Variants in ATOSB observed in about 807,000 individuals in gnomAD.
ATOSB encodes the protein atos homolog protein B.
the ATOSB span, chr9:35,106,599 G>T: frequency 6.4e-7 from 1 of 1,564,532 alleles, no homozygotes; most frequent in East Asian, 2.4e-5. The surrounding 1 kb of genome is among the most constrained non-coding windows in gnomAD (Gnocchi z 4.6). Context: ...GGCACTGGGG[G>T]GGCTCAGCAG....
the ATOSB span, among the ~76,000 whole-genome samples, chr9:35,111,812 T>A: frequency 6.6e-6 from 1 of 152,126 alleles, no homozygotes; most frequent in Non-Finnish European, 1.5e-5. Flanking sequence ...CCCTTCTCCT[T>A]AACCCGACAG....
chr9:35,115,281 G>A, the ATOSB span, among the ~76,000 whole-genome samples: 1 of 152,056 alleles, frequency 6.6e-6, no homozygotes, highest in African/African-American at 2.4e-5. Context: ...GTTAAAAGCT[G>A]AGCAGACAGG....
At chr9:35,114,088 A>G in the ATOSB span, among the ~76,000 whole-genome samples, 2 of 152,184 alleles carry the variant, frequency 1.3e-5, no homozygotes, top group Non-Finnish European at 2.9e-5. Context: ...ACTCATCTCC[A>G]TATCAGAGGA....
At chr9:35,105,761 G>C in the ATOSB span, 1 of 1,614,092 alleles carries the variant, frequency 6.2e-7, no homozygotes, top group Non-Finnish European at 8.5e-7. The surrounding 1 kb of genome is among the most constrained non-coding windows in gnomAD (Gnocchi z 5.5). Flanking sequence ...AAAAAGAGGC[G>C]ATGGCGCAGG....
the ATOSB span, among the ~76,000 whole-genome samples, chr9:35,113,109 G>C: frequency 6.6e-6 from 1 of 152,326 alleles, no homozygotes; most frequent in African/African-American, 2.4e-5. Flanking sequence ...GTGTATCAAT[G>C]TAAGAGCCTA....
At chr9:35,105,607 A>T in the ATOSB span, 1 of 1,478,318 alleles carries the variant, frequency 6.8e-7, no homozygotes, top group Non-Finnish European at 9.3e-7. This position sits in a 1 kb window ranked among gnomAD's most constrained non-coding sequence, Gnocchi z 5.5. Flanking sequence ...TCCGGACAGT[A>T]TCGAAGCAAG....
At chr9:35,106,843 G>A in the ATOSB span, 11 of 1,570,396 alleles carry the variant, frequency 7.0e-6, no homozygotes, top group Middle Eastern at 3.3e-4. This position sits in a 1 kb window ranked among gnomAD's most constrained non-coding sequence, Gnocchi z 4.6. Flanking sequence ...AGCTTCAGGC[G>A]ACGGGCTCCT....
the ATOSB span, chr9:35,107,965 G>A: frequency 6.2e-7 from 1 of 1,604,672 alleles, no homozygotes; most frequent in Non-Finnish European, 8.5e-7. Flanking sequence ...GGTCCCTCTG[G>A]GCCTAAGAGC....
chr9:35,107,861 C>T, the ATOSB span: 1,591,495 of 1,596,088 alleles, frequency 1, 793,536 homozygotes, highest in East Asian at 1. Flanking sequence ...TCCAGGCCCC[C>T]GAAGTCCAAG....
At chr9:35,111,264 C>T in the ATOSB span, 2 of 153,372 alleles carry the variant, frequency 1.3e-5, no homozygotes, top group East Asian at 3.8e-4. Context: ...CTCTAGCACA[C>T]TCACCCCGCT....
At chr9:35,107,208 A>C in the ATOSB span, among the ~76,000 whole-genome samples, 1 of 150,882 alleles carries the variant, frequency 6.6e-6, no homozygotes, top group African/African-American at 2.4e-5. Flanking sequence ...CTGTGGTCCC[A>C]GATACTTGGG....
the ATOSB span, chr9:35,108,597 G>A: frequency 3.6e-6 from 4 of 1,116,456 alleles, no homozygotes; most frequent in Non-Finnish European, 4.4e-6. Flanking sequence ...TACTTACCCC[G>A]ATGAAGAGGC....
At chr9:35,110,916 A>T in the ATOSB span, 2 of 152,130 alleles carry the variant, frequency 1.3e-5, no homozygotes, top group Non-Finnish European at 2.9e-5. Context: ...ATGCAAAGAG[A>T]ACTGCTGCCA....
the ATOSB span, chr9:35,110,827 A>G: frequency 6.6e-6 from 1 of 152,210 alleles, no homozygotes; most frequent in Non-Finnish European, 1.5e-5. Flanking sequence ...TCCCTTCAGT[A>G]TTAAAGATTT....
At chr9:35,105,895 G>A in the ATOSB span, 2 of 1,613,656 alleles carry the variant, frequency 1.2e-6, no homozygotes. This position sits in a 1 kb window ranked among gnomAD's most constrained non-coding sequence, Gnocchi z 5.5. Flanking sequence ...GGGCCTGAGG[G>A]CTGCTTTCCT....
At chr9:35,106,303 G>A in the ATOSB span, 5 of 1,614,186 alleles carry the variant, frequency 3.1e-6, no homozygotes, top group South Asian at 4.4e-5. The surrounding 1 kb of genome is among the most constrained non-coding windows in gnomAD (Gnocchi z 4.6). Flanking sequence ...ATGTGACAGT[G>A]ACAGGCAGCG....
chr9:35,108,022 G>C, the ATOSB span: 29 of 1,550,016 alleles, frequency 1.9e-5, no homozygotes, highest in Non-Finnish European at 2.4e-5. Flanking sequence ...CTGGCCCCCA[G>C]CCCAGGGCCT....
At chr9:35,106,309 C>T in the ATOSB span, 12 of 1,614,086 alleles carry the variant, frequency 7.4e-6, no homozygotes, top group African/African-American at 1.6e-4. The surrounding 1 kb of genome is among the most constrained non-coding windows in gnomAD (Gnocchi z 4.6). Flanking sequence ...CAGTGACAGG[C>T]AGCGTGACGT....
the ATOSB span, among the ~76,000 whole-genome samples, chr9:35,114,657 G>C: frequency 6.6e-6 from 1 of 152,134 alleles, no homozygotes; most frequent in Admixed American, 6.5e-5. Flanking sequence ...TCCTCCCCTA[G>C]CTGTGGCTGG....
Sources: gnomAD v4.1 joint callset for allele counts (sites outside exome capture counted in the v4.1 genomes callset) on GRCh38, gnomAD v4.1.1 for gene constraint, Gnocchi (gnomAD v3.1) non-coding constraint, MANE v1.5 for transcripts, NCBI Gene and HGNC (gene_info 2026-07-23, HGNC 2026-07-21) for gene names.